FRMD4B: variants seen among roughly 807,000 people sequenced by gnomAD.
FRMD4B encodes the protein FERM domain-containing protein 4B.
A neutral mutation model predicts 141.5 loss-of-function variants in FRMD4B; 74 were observed. The observed-to-expected ratio is 0.52, with a 90% CI of 0.43 to 0.63. The LOEUF (loss-of-function observed/expected upper bound fraction) is 0.63. Ranked by LOEUF, FRMD4B falls within the 30% of genes least tolerant of loss-of-function variation. FRMD4B has a pLI of 0.00. For missense variants in FRMD4B, 1,366 were observed against 1,253.4 expected, an observed-to-expected ratio of 1.09 and a Z score of -1.36; for synonymous variants, 506 against 467.9, an observed-to-expected ratio of 1.08 and a Z score of -1.05.
In FRMD4B at chr3:69,236,482, G is replaced by C. The variant is rs551985093; in HGVS notation, c.582-11792C>G. Among the ~76,000 whole-genome samples, 7 of 152,226 alleles carry C rather than the reference G, an allele frequency of 4.6e-5. No homozygotes were observed. In the South Asian group the frequency reaches 1.2e-3, roughly 27 times the overall value. Reference sequence around the variant, plus strand: ...GACCTCAAATGATCCGCCCGCCTTGGCCTCCCAAAGTGCTGGGATTACATG... The same window carrying C: ...GACCTCAAATGATCCGCCCGCCTTGCCCTCCCAAAGTGCTGGGATTACATG... On this transcript the variant is annotated intron_variant, in intron 7 of 22. Transcript: ENST00000398540.
chr3:69,181,449 C>T lies in FRMD4B; in HGVS notation c.2301G>A (p.Lys767=). ...AATTTGAAGTAGAAACATTCTGTTTCTTTGACCTCCTCCGACCCCTGGTGC... is the reference window on the plus strand; with the variant it reads ...AATTTGAAGTAGAAACATTCTGTTTTTTTGACCTCCTCCGACCCCTGGTGC... ...DTRTRGRRRS[K]KQNVSTSNSG... The change falls in exon 21 of 23, where the codon AAG becomes AAA. Residue 767 remains lysine, a synonymous_variant. Coordinates refer to ENST00000398540, the MANE Select transcript of FRMD4B (RefSeq NM_015123.3). 6.2e-7 allele frequency: 1 copy of T among 1,613,938 alleles called. No homozygotes were observed. The highest frequency in any genetic ancestry group is 8.5e-7 in the Non-Finnish European group (1 of 1,179,876).
intron 5 of FRMD4B, among the ~76,000 whole-genome samples, chr3:69,270,072 A>G (rs539864610): frequency 6.6e-6 from 1 of 151,604 alleles, no homozygotes; most frequent in Non-Finnish European, 1.5e-5. Context: ...GCTGGAGTGC[A>G]GTGGCATGAT....
intron 1 of FRMD4B, among the ~76,000 whole-genome samples, chr3:69,326,735 C>T (rs1702204809): frequency 6.6e-6 from 1 of 152,214 alleles, no homozygotes; most frequent in Non-Finnish European, 1.5e-5. Context: ...GGGTATATAT[C>T]TACATGGAAG....
At chr3:69,258,101 T>A (rs755780034) in intron 5 of FRMD4B, among the ~76,000 whole-genome samples, 4 of 152,130 alleles carry the variant, frequency 2.6e-5, no homozygotes, top group African/African-American at 9.7e-5. Context: ...AGTGCTGGGA[T>A]TACAGGTGTG....
chr3:69,499,475 G>C (rs573142835), intron 1 of FRMD4B, among the ~76,000 whole-genome samples: 1 of 152,272 alleles, frequency 6.6e-6, no homozygotes, highest in South Asian at 2.1e-4. Context: ...GAGCTGATAG[G>C]AGTTTGCTGT....
intron 7 of FRMD4B, among the ~76,000 whole-genome samples, chr3:69,245,834 G>GTGTT (rs2093421856): frequency 1.3e-5 from 1 of 78,358 alleles, no homozygotes; most frequent in African/African-American, 5.6e-5. Context: ...AGGCTAATTT[G>GTGTT]TTTTTTTTTT....
At position 69,246,117 on chromosome 3, in the gene FRMD4B, G is replaced by C. The variant is rs192474108; in HGVS notation, c.581+3109C>G. Among the ~76,000 whole-genome samples the C allele has an allele frequency of 5.7e-3, 871 of 152,216 alleles. 11 individuals are homozygous for C. Among genetic ancestry groups the C allele is most frequent in the African/African-American group, 0.019 (810 of 41,544 alleles). ...CTCCCAAAGTGCTGGGATTATAGGC[G>C]TGAGCCACTGTGCTCGGCACCCGGC... On this transcript the variant is annotated intron_variant, in intron 7 of 22. Coordinates refer to ENST00000398540, the MANE Select transcript of FRMD4B (RefSeq NM_015123.3).
At chr3:69,346,212 A>C (rs1381079141) in intron 1 of FRMD4B, among the ~76,000 whole-genome samples, 1 of 152,138 alleles carries the variant, frequency 6.6e-6, no homozygotes, top group East Asian at 1.9e-4. Context: ...GATTCGATCA[A>C]GCGGAAGAAA....
intron 22 of FRMD4B, among the ~76,000 whole-genome samples, chr3:69,175,759 C>A (rs1575578816): frequency 7.2e-6 from 1 of 138,202 alleles, no homozygotes; most frequent in South Asian, 2.3e-4. Flanking sequence ...CAAACTTTTT[C>A]TTTTCTTCTC....
At chr3:69,260,719 G>C (rs940376224) in intron 5 of FRMD4B, among the ~76,000 whole-genome samples, 92 of 152,378 alleles carry the variant, frequency 6.0e-4, no homozygotes, top group Non-Finnish European at 1.0e-4. Context: ...GGGCCCCTGA[G>C]TTAAGTAGGA....
chr3:69,188,563 C>T (rs1559697306), intron 18 of FRMD4B, among the ~76,000 whole-genome samples: 1 of 151,352 alleles, frequency 6.6e-6, no homozygotes, highest in Non-Finnish European at 1.5e-5. Flanking sequence ...CGAGACCATC[C>T]TGGCTAACAA....
chr3:69,200,332 G>A, intron 11 of FRMD4B: 1 of 728,530 alleles, frequency 1.4e-6, no homozygotes, highest in Non-Finnish European at 1.7e-6. Context: ...CACTCACTCA[G>A]GTTCACAGAA....
At chr3:69,402,392 C>T (rs1257073748) in intron 2 of FRMD4B, among the ~76,000 whole-genome samples, 1 of 151,990 alleles carries the variant, frequency 6.6e-6, no homozygotes, top group East Asian at 1.9e-4. Flanking sequence ...TGTGAGCTGC[C>T]CTACCTCAGG....
At position 69,181,554 on chromosome 3, in the gene FRMD4B, A is replaced by G. The variant is rs200660982; in HGVS notation, c.2196T>C (p.Tyr732=). ...AATACTCTGTGCTTGATTGGCTTGTATAAGAAGACCCGTCATCGAGGATTT... is the reference window on the plus strand; with the variant it reads ...AATACTCTGTGCTTGATTGGCTTGTGTAAGAAGACCCGTCATCGAGGATTT... ...STEILDDGSS[Y]TSQSSTEYYC... Residue 732 remains tyrosine (Y), a synonymous_variant, in exon 21 of 23, where the codon TAT becomes TAC. Transcript: ENST00000398540. The G allele has an allele frequency of 1.0e-4, 161 of 1,613,960 alleles. No homozygotes were observed. The African/African-American group carries it at 2.0e-3, about 20-fold the overall frequency.
intron 2 of FRMD4B, among the ~76,000 whole-genome samples, chr3:69,417,454 C>T (rs1457868038): frequency 6.6e-6 from 1 of 152,148 alleles, no homozygotes; most frequent in Non-Finnish European, 1.5e-5. Context: ...AGGCCTTTGT[C>T]AGATAGATAG....
chr3:69,306,822 A>C (rs1287898988), intron 3 of FRMD4B: 1 of 152,216 alleles, frequency 6.6e-6, no homozygotes, highest in Non-Finnish European at 1.5e-5. Context: ...GCTGGAAAAT[A>C]AACTCAGACG....
intron 2 of FRMD4B, among the ~76,000 whole-genome samples, chr3:69,416,321 G>A (rs1353572367): frequency 6.6e-6 from 1 of 152,202 alleles, no homozygotes; most frequent in Non-Finnish European, 1.5e-5. Context: ...GCCCAGGCTA[G>A]AATGCAATGG....
chr3:69,514,741 G>A (rs1700725508), intron 1 of FRMD4B, among the ~76,000 whole-genome samples: 1 of 151,770 alleles, frequency 6.6e-6, no homozygotes, highest in African/African-American at 2.4e-5. Context: ...AAGACATTCT[G>A]TGTTCACGAA....
rs1470866324 is a variant in FRMD4B at position 69,224,591 on chromosome 3, T to C, written c.665+16A>G. ...GGCTATGAAAATGAGACACCTGTTA[T>C]GTGGATTTGGCTTACCAGTAGGCAA... On this transcript the variant is annotated intron_variant, in intron 8 of 22. Transcript: ENST00000398540. 7.0e-6 allele frequency: 9 copies of C among 1,282,394 alleles called. No individual in the cohort carries two copies. The highest frequency in any genetic ancestry group is 1.0e-5 in the Non-Finnish European group (9 of 885,118). The allele number at this position is 1,282,394 out of a possible 1,614,324, so 79.4% of individuals were successfully genotyped here.
Sources: allele counts gnomAD v4.1 joint callset (sites outside exome capture counted in the v4.1 genomes callset), GRCh38; gene constraint gnomAD v4.1.1; transcripts MANE v1.5; gene names NCBI Gene and HGNC (gene_info 2026-07-23, HGNC 2026-07-21).